Variants in L3MBTL4 observed in about 807,000 individuals in gnomAD.
L3MBTL4 encodes the protein lethal(3)malignant brain tumor-like protein 4.
In L3MBTL4, 70 loss-of-function variants were observed where a neutral mutation model predicts 84.5. The observed-to-expected ratio is 0.83, with a 90% confidence interval of 0.68 to 1.01. The LOEUF (loss-of-function observed/expected upper bound fraction) is 1.01. Ranked by LOEUF, L3MBTL4 falls within the 50% of genes least tolerant of loss-of-function variation. The pLI is 0.00. For missense variants in L3MBTL4, 715 were observed against 754.8 expected (o/e 0.95, Z 0.62); for synonymous variants, 274 against 259.8 (o/e 1.05, Z -0.52).
At chr18:6,177,265 A>G (rs2044263665) in intron 12 of L3MBTL4, among the ~76,000 whole-genome samples, 1 of 152,256 alleles carries the variant, frequency 6.6e-6, no homozygotes, top group Admixed American at 6.5e-5. Flanking sequence ...TGCAATGTCC[A>G]TAAAACGAAT....
intron 1 of L3MBTL4, among the ~76,000 whole-genome samples, chr18:6,371,417 GA>G (rs2054156751): frequency 6.6e-6 from 1 of 152,188 alleles, no homozygotes; most frequent in East Asian, 1.9e-4. Flanking sequence ...ACCCTGCGGG[GA>G]GAGCCTCTCA....
At chr18:6,392,584 T>C (rs796573372) in intron 1 of L3MBTL4, among the ~76,000 whole-genome samples, 5 of 152,196 alleles carry the variant, frequency 3.3e-5, no homozygotes, top group African/African-American at 1.2e-4. Context: ...GAAAACTGAA[T>C]AGCCACATGT....
intron 1 of L3MBTL4, among the ~76,000 whole-genome samples, chr18:6,324,819 AT>A (rs990279681): frequency 1.1e-4 from 17 of 152,124 alleles, no homozygotes; most frequent in African/African-American, 3.9e-4. Context: ...ATTTTGAAGT[AT>A]TTTTATAGCA....
At chr18:6,102,567 T>A (rs1166575148) in intron 14 of L3MBTL4, among the ~76,000 whole-genome samples, 1 of 152,158 alleles carries the variant, frequency 6.6e-6, no homozygotes, top group Non-Finnish European at 1.5e-5. Flanking sequence ...TGGAGAACTA[T>A]CCCCATCCTG....
At chr18:6,052,545 C>A (rs1303299207) in intron 16 of L3MBTL4, among the ~76,000 whole-genome samples, 2 of 152,164 alleles carry the variant, frequency 1.3e-5, no homozygotes, top group Admixed American at 1.3e-4. Flanking sequence ...CACTTCTACG[C>A]CTCTTGTGGA....
intron 16 of L3MBTL4, among the ~76,000 whole-genome samples, chr18:6,016,889 G>GGA (rs1308735460): frequency 6.6e-6 from 1 of 152,174 alleles, no homozygotes; most frequent in Non-Finnish European, 1.5e-5. Flanking sequence ...AAGACGCTGT[G>GGA]GAGAGAGAGC....
intron 12 of L3MBTL4, among the ~76,000 whole-genome samples, chr18:6,173,183 A>T (rs1273001041): frequency 6.6e-6 from 1 of 152,230 alleles, no homozygotes; most frequent in Non-Finnish European, 1.5e-5. Flanking sequence ...TTTCTACTGA[A>T]CTTAGGTTCC....
chr18:6,286,831 A>G (rs891412055), intron 4 of L3MBTL4, among the ~76,000 whole-genome samples: 3 of 152,076 alleles, frequency 2.0e-5, no homozygotes, highest in Non-Finnish European at 2.9e-5. Flanking sequence ...GCTCTGTTTC[A>G]TCTGGGAGTC....
intron 16 of L3MBTL4, among the ~76,000 whole-genome samples, chr18:6,057,404 G>A (rs2145857041): frequency 6.6e-6 from 1 of 152,254 alleles, no homozygotes; most frequent in East Asian, 1.9e-4. Flanking sequence ...CACCACTGGG[G>A]AAAATTGGTT....
At chr18:6,049,763 G>A (rs547937646) in intron 16 of L3MBTL4, among the ~76,000 whole-genome samples, 1 of 152,252 alleles carries the variant, frequency 6.6e-6, no homozygotes, top group South Asian at 2.1e-4. Context: ...TAACTATTGG[G>A]TGTTATGTTC....
At chr18:5,971,095 T>A (rs969057125) in intron 16 of L3MBTL4, among the ~76,000 whole-genome samples, 4 of 152,244 alleles carry the variant, frequency 2.6e-5, no homozygotes, top group Non-Finnish European at 5.9e-5. Context: ...ATAGGTTATC[T>A]CTTCTGTGTA....
Position 5,955,914 on chromosome 18 carries a change from GAGAAGA to G in L3MBTL4, c.*300_*305del. ...GAAAATGGTTTCTTTTCTGGTGACG[GAGAAGA>G]ATAAAGGTGGATGTGTGGGCTTCTT... On this transcript the variant is annotated 3_prime_UTR_variant, in exon 19 of 19. Coordinates refer to ENST00000317931, the MANE Select transcript of L3MBTL4 (RefSeq NM_001330559.2). 1 of 243,000 alleles carries G rather than the reference GAGAAGA, an allele frequency of 4.1e-6. No homozygotes were observed. The highest frequency in any genetic ancestry group is 7.8e-6 in the Non-Finnish European group (1 of 127,470). 15.1% of individuals were successfully genotyped at this position (243,000 alleles called of 1,614,324 possible).
intron 13 of L3MBTL4, among the ~76,000 whole-genome samples, chr18:6,146,668 G>T (rs1307451508): frequency 7.9e-5 from 12 of 152,302 alleles, no homozygotes. Context: ...TTATATAAAA[G>T]GTTGTATAAA....
In L3MBTL4 at chr18:6,019,710, C is replaced by A. The variant is rs1455150109; in HGVS notation, c.1445-50148G>T. 2.6e-5 allele frequency among the ~76,000 whole-genome samples: 4 copies of A among 152,118 alleles called. No individual in the cohort carries two copies. The East Asian group carries it at 7.7e-4, about 29-fold the overall frequency. On this transcript the variant is annotated intron_variant, in intron 16 of 18. Coordinates refer to ENST00000317931, the MANE Select transcript of L3MBTL4 (RefSeq NM_001330559.2). Reference sequence around the variant, plus strand: ...AATTCAGAGAAGTCAGGTTAATTCACCCAAGATGAAAAGCTAATTAGTAGC... The same window carrying A: ...AATTCAGAGAAGTCAGGTTAATTCAACCAAGATGAAAAGCTAATTAGTAGC...
intron 12 of L3MBTL4, among the ~76,000 whole-genome samples, chr18:6,202,991 C>A (rs1381431210): frequency 6.6e-6 from 1 of 152,176 alleles, no homozygotes; most frequent in Non-Finnish European, 1.5e-5. Flanking sequence ...ATTCTCAGCC[C>A]AGGCATGTAT....
rs528862048 is a variant in L3MBTL4, at chr18:6,163,818, C to T, written c.1096+8010G>A. Among the ~76,000 whole-genome samples the T allele has an allele frequency of 2.0e-4, 30 of 152,240 alleles. No homozygotes were observed. In the East Asian group the frequency reaches 3.3e-3, roughly 17 times the overall value. On this transcript the variant is annotated intron_variant, in intron 13 of 18. Coordinates refer to ENST00000317931, the MANE Select transcript of L3MBTL4 (RefSeq NM_001330559.2). ...GTACCGGGTTCATCACACTGGGGAA[C>T]GCTGGACAGTGGGTGCAGGACAGTG...
At chr18:6,275,635 T>G (rs1386391953) in intron 4 of L3MBTL4, among the ~76,000 whole-genome samples, 1 of 152,182 alleles carries the variant, frequency 6.6e-6, no homozygotes, top group Admixed American at 6.5e-5. Flanking sequence ...TGTGGAAACA[T>G]GCACTAAAAT....
At chr18:6,236,703 T>C (rs572211133) in intron 10 of L3MBTL4, among the ~76,000 whole-genome samples, 18 of 152,222 alleles carry the variant, frequency 1.2e-4, no homozygotes, top group Non-Finnish European at 5.9e-5. Context: ...CAAATCTCTC[T>C]ATATATCAAA....
Position 5,968,212 on chromosome 18 carries a change from C to T in L3MBTL4, c.1614+1181G>A, listed in dbSNP as rs60588066. ...ATTTAACTGCAGCTGTAGCTCTAAT[C>T]TTGCCCTCAGAGTGACCCAGGGTTT... On this transcript the variant is annotated intron_variant, in intron 17 of 18. Coordinates refer to ENST00000317931, the MANE Select transcript of L3MBTL4 (RefSeq NM_001330559.2). Among the ~76,000 whole-genome samples, 754 of 152,380 alleles carry T rather than the reference C, an allele frequency of 4.9e-3. 6 individuals carry two copies. The highest frequency in any genetic ancestry group is 0.017 in the African/African-American group (703 of 41,586).
Sources: allele counts gnomAD v4.1 joint callset (sites outside exome capture counted in the v4.1 genomes callset), GRCh38; gene constraint gnomAD v4.1.1; transcripts MANE v1.5; gene names NCBI Gene and HGNC (gene_info 2026-07-23, HGNC 2026-07-21).